PLEKHH1: variants seen among roughly 807,000 people sequenced by gnomAD.
PLEKHH1 encodes the protein pleckstrin homology domain-containing family H member 1.
Under a neutral mutation model 160.0 loss-of-function variants are expected in PLEKHH1, and 104 were observed. That is an observed-to-expected ratio of 0.65 (90% CI 0.55 to 0.76). The LOEUF (loss-of-function observed/expected upper bound fraction) is 0.76, where lower values mean the gene tolerates loss of function less well. Among genes scored for constraint, PLEKHH1 ranks in the 30% least tolerant of loss-of-function variants. The probability of loss-of-function intolerance (pLI) is 0.00; values close to 1 mark genes in which losing one functional copy is unlikely to be tolerated. For synonymous variants in PLEKHH1, 619 were observed against 678.4 expected, an observed-to-expected ratio of 0.91 and a Z score of 1.36; for missense variants, 1,427 against 1,724.1, an observed-to-expected ratio of 0.83 and a Z score of 3.05.
chr14:67,581,973 T>C (rs753693587), intron 23 of PLEKHH1, 96 bp from the exon 24 acceptor site: 7 of 1,253,300 alleles, frequency 5.6e-6, no homozygotes, highest in Middle Eastern at 2.7e-4. Flanking sequence ...AAAGAGTACT[T>C]TATCTTTTTG....
intron 24 of PLEKHH1, 72 bp from the exon 25 acceptor site, chr14:67,583,669 C>T: frequency 5.1e-6 from 6 of 1,169,772 alleles, no homozygotes; most frequent in Non-Finnish European, 7.3e-6. Flanking sequence ...GTTTATTTCA[C>T]CTCTCAACAG....
In PLEKHH1 at chr14:67,542,002, C is replaced by T. The variant is rs771266048; in HGVS notation, c.126+9C>T. The T allele has an allele frequency of 2.5e-6, 4 of 1,598,248 alleles. No individual in the cohort carries two copies. The South Asian group carries it at 3.4e-5, about 14-fold the overall frequency. ...AGCTGCTGGCTGACAAGGTGAGTCC[C>T]TCAGAGCAGGGAGCTGCCTCTCCAC... On this transcript the variant is annotated intron_variant, in intron 2 of 28. Coordinates refer to ENST00000329153, the MANE Select transcript of PLEKHH1 (RefSeq NM_020715.3).
chr14:67,583,748 A>G lies in PLEKHH1; in HGVS notation c.3434A>G (p.Tyr1145Cys), dbSNP rs765331177. The G allele has an allele frequency of 1.2e-6, 2 of 1,611,148 alleles. No individual in the cohort carries two copies. The highest frequency in any genetic ancestry group is 1.7e-6 in the Non-Finnish European group (2 of 1,178,632). The stretch of plus-strand genomic sequence containing the variant: ...CATATGCTTCTACCACAGGTAGAAT[A>G]TGGGGACTTGGAGAAGCCTGCCCTG... ...EMAALMAQVE[Y>C]GDLEKPALPG... The change falls in exon 25 of 29, where the codon TAT (tyrosine) becomes TGT (cysteine). Residue 1145 changes from tyrosine (Y) to cysteine (C), a missense_variant. Physicochemically the swap from Tyr to Cys is radical, Grantham distance 194. This residue lies in a region of PLEKHH1 where 436 missense variants were observed against 607.5 expected (regional missense o/e 0.72). Coordinates refer to ENST00000329153, the MANE Select transcript of PLEKHH1 (RefSeq NM_020715.3).
chr14:67,554,130 T>C (rs975592863), intron 2 of PLEKHH1, among the ~76,000 whole-genome samples: 1 of 151,986 alleles, frequency 6.6e-6, no homozygotes, highest in Non-Finnish European at 1.5e-5. Flanking sequence ...GAGAAAAAAA[T>C]GGATGAGGGA....
Position 67,587,128 on chromosome 14 carries a change from G to A in PLEKHH1, c.3988G>A (p.Val1330Met), listed in dbSNP as rs2036208182. The A allele has an allele frequency of 6.2e-7, 1 of 1,613,812 alleles. No individual in the cohort carries two copies. The change falls in exon 29 of 29, where the codon GTG becomes ATG. Residue 1330 changes from valine (V) to methionine (M), a missense_variant. Around this residue, in one of 6 missense-constraint regions of PLEKHH1, gnomAD observed 96 missense variants for 97.6 expected, o/e 0.98. Transcript: ENST00000329153. ...CTATATGAACCATTGCACTACAACT[G>A]TGAACCCCCCCACCAACCCACCCGG... ...ASYMNHCTTT[V>M]NPPTNPPGAC...
chr14:67,563,606 T>C (rs976297695), intron 7 of PLEKHH1, among the ~76,000 whole-genome samples: 6 of 151,602 alleles, frequency 4.0e-5, no homozygotes, highest in African/African-American at 1.5e-4. Flanking sequence ...GCTAATTTTG[T>C]ATTTTTAGTA....
chr14:67,585,593 A>G lies in PLEKHH1; in HGVS notation c.3725A>G (p.Asn1242Ser). The change falls in exon 27 of 29, where the codon AAC (asparagine) becomes AGC (serine). Residue 1242 changes from asparagine (N) to serine (S), a missense_variant. By Grantham distance (46) the Asn-to-Ser change is conservative (BLOSUM62 1). Coordinates refer to ENST00000329153, the MANE Select transcript of PLEKHH1 (RefSeq NM_020715.3). ...AQPAQLSSKE[N>S]ALVWIAVNED... ...CCTGCCCAGCTGTCTTCCAAGGAGAACGCTCTGGTGTGGATTGCTGTGAAT... is the reference window on the plus strand; with the variant it reads ...CCTGCCCAGCTGTCTTCCAAGGAGAGCGCTCTGGTGTGGATTGCTGTGAAT... 6.3e-7 allele frequency: 1 copy of G among 1,584,834 alleles called. No homozygotes were observed. Among genetic ancestry groups the G allele is most frequent in the Non-Finnish European group, 8.6e-7 (1 of 1,164,408 alleles).
At chr14:67,585,921 T>TC in intron 27 of PLEKHH1, 30 bp from the exon 28 acceptor site, 1 of 1,592,928 alleles carries the variant, frequency 6.3e-7, no homozygotes, top group Non-Finnish European at 8.5e-7. Context: ...GTGGAAAGTT[T>TC]CCCCACAACT....
At position 67,575,487 on chromosome 14, in the gene PLEKHH1, C is replaced by T. The variant is rs750477525; in HGVS notation, c.2169+15C>T. The T allele has an allele frequency of 1.0e-5, 15 of 1,494,150 alleles. No homozygotes were observed. In the East Asian group the frequency reaches 3.2e-4, roughly 32 times the overall value. 92.6% of individuals were successfully genotyped at this position (1,494,150 alleles called of 1,614,324 possible). On this transcript the variant is annotated intron_variant, in intron 15 of 28. Coordinates refer to ENST00000329153, the MANE Select transcript of PLEKHH1 (RefSeq NM_020715.3). ...ATGAGGACAAGGTACTTCTCAGCCTCCTCACAATACCCACTCTCCTGCTTC... is the reference window on the plus strand; with the variant it reads ...ATGAGGACAAGGTACTTCTCAGCCTTCTCACAATACCCACTCTCCTGCTTC...
chr14:67,568,624 AAG>A (rs2035222827), intron 7 of PLEKHH1, among the ~76,000 whole-genome samples: 1 of 152,202 alleles, frequency 6.6e-6, no homozygotes, highest in Non-Finnish European at 1.5e-5. Flanking sequence ...TTTTTAAAAA[AAG>A]AAACAATAGA....
intron 26 of PLEKHH1, 108 bp downstream of exon 26, chr14:67,584,232 A>T: frequency 9.2e-7 from 1 of 1,092,748 alleles, no homozygotes; most frequent in Non-Finnish European, 1.3e-6. Context: ...TAACCACCAG[A>T]GGTCACTATC....
intron 2 of PLEKHH1, among the ~76,000 whole-genome samples, chr14:67,552,314 G>A (rs980628682): frequency 1.3e-5 from 2 of 152,248 alleles, no homozygotes; most frequent in African/African-American, 4.8e-5. Flanking sequence ...AGAGCTCCAG[G>A]TGTGGCCTTT....
chr14:67,565,020 TTAAAA>T lies in PLEKHH1; in HGVS notation c.1263+2132_1263+2136del, dbSNP rs1192346911. Among the ~76,000 whole-genome samples, 4 of 152,210 alleles carry T rather than the reference TTAAAA, an allele frequency of 2.6e-5. No homozygotes were observed. In the East Asian group the frequency reaches 7.7e-4, roughly 29 times the overall value. ...ACCTGACATTTTCCATGATAAAAAG[TTAAAA>T]TAAAAATGAGACAGGCTATAAAAAT... is the stretch of plus-strand genomic sequence containing the variant. On this transcript the variant is annotated intron_variant, in intron 7 of 28. Transcript: ENST00000329153.
At chr14:67,542,138 A>G in intron 2 of PLEKHH1, 145 bp downstream of exon 2, 1 of 785,236 alleles carries the variant, frequency 1.3e-6, no homozygotes, top group Non-Finnish European at 1.9e-6. Flanking sequence ...AGGTAGTTTA[A>G]GACCAAAGTC....
At chr14:67,569,601 C>T (rs138365174) in intron 8 of PLEKHH1, 25 of 452,500 alleles carry the variant, frequency 5.5e-5, no homozygotes, top group Non-Finnish European at 6.5e-5. Flanking sequence ...ATCTCCACAA[C>T]GAGGGCTGTG....
At chr14:67,543,935 C>G (rs1833745522) in intron 2 of PLEKHH1, among the ~76,000 whole-genome samples, 1 of 152,078 alleles carries the variant, frequency 6.6e-6, no homozygotes, top group African/African-American at 2.4e-5. Flanking sequence ...ACTCTGACAG[C>G]TGATTGAGGG....
chr14:67,575,990 C>A lies in PLEKHH1; in HGVS notation c.2337C>A (p.Gly779=). The stretch of plus-strand genomic sequence containing the variant: ...ACAGCCCCACCTACCTCCTCATTGG[C>A]ACCAAGCATGAAAAGGTAAGGAAGA... The part of the protein sequence containing the change: ...TEHSPTYLLI[G]TKHEKDTWLY... The change falls in exon 16 of 29, where the codon GGC becomes GGA. Residue 779 remains glycine, a synonymous_variant. Coordinates refer to ENST00000329153, the MANE Select transcript of PLEKHH1 (RefSeq NM_020715.3). The A allele has an allele frequency of 6.2e-7, 1 of 1,611,756 alleles. No homozygotes were observed. Among genetic ancestry groups the A allele is most frequent in the African/African-American group, 1.3e-5 (1 of 75,006 alleles).
chr14:67,541,042 A>G lies in PLEKHH1; in HGVS notation c.-34-792A>G, dbSNP rs114900685. ...CTCCAGAGGTTGCAGCAAAATATCT[A>G]GCAGTTTTCTGGTTTGCATCTTAGA... On this transcript the variant is annotated intron_variant, in intron 1 of 28. Transcript: ENST00000329153. Among the ~76,000 whole-genome samples the G allele has an allele frequency of 3.2e-3, 487 of 152,310 alleles. 1 individual carries two copies. The highest frequency in any genetic ancestry group is 0.011 in the African/African-American group (458 of 41,572).
chr14:67,579,381 T>C, intron 21 of PLEKHH1, 70 bp downstream of exon 21: 1 of 1,247,342 alleles, frequency 8.0e-7, no homozygotes, highest in Non-Finnish European at 1.1e-6. Context: ...CCCTGGGCCT[T>C]AGGCTCAGGC....
Sources: allele counts gnomAD v4.1 joint callset (sites outside exome capture counted in the v4.1 genomes callset), GRCh38; gene constraint gnomAD v4.1.1; regional missense constraint gnomAD v4.1.1; transcripts MANE v1.5; gene names NCBI Gene and HGNC (gene_info 2026-07-23, HGNC 2026-07-21).